Variants in NEK1 observed in about 807,000 individuals in gnomAD.
NEK1 encodes NIMA related kinase 1.
In NEK1, 137 loss-of-function variants were observed where a neutral mutation model predicts 182.1. That is an observed-to-expected ratio of 0.75 (90% CI 0.65 to 0.87). The LOEUF (loss-of-function observed/expected upper bound fraction) is 0.87. NEK1 is among the 40% of genes least tolerant of loss of function. NEK1 has a pLI of 0.00. For synonymous variants in NEK1, 513 were observed against 492.2 expected (o/e 1.04, Z -0.56); for missense variants, 1,391 against 1,494.4 (o/e 0.93, Z 1.14).
intron 19 of NEK1, among the ~76,000 whole-genome samples, chr4:169,524,316 T>C (rs944881597): frequency 4.6e-5 from 7 of 152,034 alleles, no homozygotes; most frequent in African/African-American, 1.7e-4. Context: ...AATACAAAAT[T>C]AGCTGAGTGT....
chr4:169,532,848 A>G (rs1757891959), intron 19 of NEK1, among the ~76,000 whole-genome samples: 1 of 151,860 alleles, frequency 6.6e-6, no homozygotes, highest in Admixed American at 6.6e-5. Flanking sequence ...GCTACTTGGG[A>G]GGCTGAGGTG....
At chr4:169,553,918 G>A (rs965006132) in intron 18 of NEK1, 5 of 152,178 alleles carry the variant, frequency 3.3e-5, no homozygotes, top group African/African-American at 1.2e-4. Flanking sequence ...AGCCACTTTG[G>A]AAGACAGCTT....
intron 23 of NEK1, among the ~76,000 whole-genome samples, chr4:169,502,123 C>T (rs1017228072): frequency 1.1e-4 from 16 of 151,720 alleles, no homozygotes; most frequent in African/African-American, 3.4e-4. Flanking sequence ...TCCCCATGTG[C>T]ACATACTATA....
chr4:169,563,922 G>T (rs532323053), intron 12 of NEK1, among the ~76,000 whole-genome samples: 1 of 152,248 alleles, frequency 6.6e-6, no homozygotes, highest in Admixed American at 6.5e-5. Flanking sequence ...CTGTATTGCT[G>T]TAATAAATCC....
chr4:169,561,380 C>G (rs915495889), intron 16 of NEK1, 100 bp downstream of exon 16: 1 of 1,025,416 alleles, frequency 9.8e-7, no homozygotes, highest in African/African-American at 1.6e-5. Context: ...TAATTGTACA[C>G]TAAAGAAAGA....
intron 27 of NEK1, among the ~76,000 whole-genome samples, chr4:169,460,944 CAA>C (rs974852998): frequency 7.9e-5 from 12 of 152,174 alleles, no homozygotes; most frequent in African/African-American, 2.6e-4. Flanking sequence ...GAATCTATTA[CAA>C]AAAGAGTTTC....
At chr4:169,596,679 T>TA (rs1365769307) in intron 5 of NEK1, among the ~76,000 whole-genome samples, 1 of 152,184 alleles carries the variant, frequency 6.6e-6, no homozygotes, top group Non-Finnish European at 1.5e-5. Context: ...GTTCCCCACT[T>TA]ACATTCTAGA....
At chr4:169,549,382 A>G (rs1342042896) in intron 18 of NEK1, among the ~76,000 whole-genome samples, 1 of 152,200 alleles carries the variant, frequency 6.6e-6, no homozygotes, top group Non-Finnish European at 1.5e-5. Flanking sequence ...TGGGAGCTAC[A>G]GACCAGAGCT....
At chr4:169,464,160 T>C (rs1303863038) in intron 26 of NEK1, among the ~76,000 whole-genome samples, 1 of 148,550 alleles carries the variant, frequency 6.7e-6, no homozygotes, top group Non-Finnish European at 1.5e-5. Flanking sequence ...CTTACACTTG[T>C]TCACACAAAA....
chr4:169,455,524 G>A (rs754477510), intron 27 of NEK1, among the ~76,000 whole-genome samples: 5 of 152,008 alleles, frequency 3.3e-5, no homozygotes, highest in Admixed American at 6.6e-5. Context: ...TACAAATAAC[G>A]TCATTATATA....
At chr4:169,415,058 G>A (rs1484993501) in intron 31 of NEK1, among the ~76,000 whole-genome samples, 2 of 152,212 alleles carry the variant, frequency 1.3e-5, no homozygotes, top group African/African-American at 2.4e-5. Context: ...TGCATGGCAT[G>A]CCTTTGCAGT....
At chr4:169,439,216 T>C (rs891702524) in intron 27 of NEK1, among the ~76,000 whole-genome samples, 1 of 152,190 alleles carries the variant, frequency 6.6e-6, no homozygotes, top group African/African-American at 2.4e-5. Context: ...TTAAAATGGT[T>C]GAAGAAAAAC....
At chr4:169,594,955 A>T (rs779079504) in intron 5 of NEK1, among the ~76,000 whole-genome samples, 6 of 152,168 alleles carry the variant, frequency 3.9e-5, no homozygotes, top group Non-Finnish European at 7.4e-5. Context: ...TTATTCTATT[A>T]TTGGTTACTA....
chr4:169,497,513 A>G (rs1751564128), intron 23 of NEK1, among the ~76,000 whole-genome samples: 1 of 152,090 alleles, frequency 6.6e-6, no homozygotes, highest in Non-Finnish European at 1.5e-5. Flanking sequence ...TCAATTTTAG[A>G]TCTTTCCTGC....
At chr4:169,509,107 G>A (rs1323581312) in intron 19 of NEK1, among the ~76,000 whole-genome samples, 3 of 152,110 alleles carry the variant, frequency 2.0e-5, no homozygotes, top group African/African-American at 7.2e-5. Flanking sequence ...AGTCACTTAA[G>A]AGGGGTTTTT....
At position 169,400,631 on chromosome 4, in the gene NEK1, C is replaced by G. The variant is rs1426067510; in HGVS notation, c.3604G>C (p.Ala1202Pro). 3 of 1,593,872 alleles carry G rather than the reference C, an allele frequency of 1.9e-6. No homozygotes were observed. The highest frequency in any genetic ancestry group is 2.6e-6 in the Non-Finnish European group (3 of 1,169,560). ...WHSDNSDGEI[A>P]SECECDSVFN... ...ACACTATCGCATTCACATTCACTAG[C>G]AATTTCACCATCACTGTTATCTAAA... Residue 1202 changes from alanine to proline, a missense_variant, in exon 34 of 36, where the codon GCT becomes CCT. Physicochemically the swap from Ala to Pro is conservative, Grantham distance 27. Coordinates refer to ENST00000507142, the MANE Select transcript of NEK1 (RefSeq NM_001199397.3).
chr4:169,401,521 G>A (rs2111027139), intron 33 of NEK1, 131 bp downstream of exon 33: 2 of 564,958 alleles, frequency 3.5e-6, no homozygotes, highest in Non-Finnish European at 5.8e-6. Context: ...GAAAAAAGGG[G>A]AGAGACCCAG....
intron 32 of NEK1, among the ~76,000 whole-genome samples, chr4:169,404,353 GA>G (rs1295200060): frequency 6.6e-6 from 1 of 151,984 alleles, no homozygotes; most frequent in East Asian, 1.9e-4. Context: ...TAGGAAAAAT[GA>G]AAAAGGCAAT....
chr4:169,541,270 C>T (rs1351823795), intron 18 of NEK1, among the ~76,000 whole-genome samples: 1 of 152,080 alleles, frequency 6.6e-6, no homozygotes, highest in South Asian at 2.1e-4. Flanking sequence ...TGAAGCAATA[C>T]AGACAGAAGG....
Sources: gnomAD v4.1 joint callset for allele counts (sites outside exome capture counted in the v4.1 genomes callset) on GRCh38, gnomAD v4.1.1 for gene constraint, MANE v1.5 for transcripts, NCBI Gene and HGNC (gene_info 2026-07-23, HGNC 2026-07-21) for gene names.